The following ZFP64 variants were observed in gnomAD, a reference collection of about 807,000 sequenced individuals.
The protein encoded by ZFP64 is zinc finger protein 64.
Under a neutral mutation model 51.6 loss-of-function variants are expected in ZFP64, and 14 were observed. The ratio of observed to expected loss-of-function variants is 0.27; its 90% CI spans 0.18 to 0.42. ZFP64 has a LOEUF of 0.42. Among genes scored for constraint, ZFP64 ranks in the 10% least tolerant of loss-of-function variants. ZFP64 has a pLI of 1.00. For missense variants in ZFP64, 754 were observed against 906.8 expected (o/e 0.83, Z 2.16); for synonymous variants, 375 against 361.4 (o/e 1.04, Z -0.43).
At chr20:52,110,873 A>G in intron 5 of ZFP64, 2 of 1,610,148 alleles carry the variant, frequency 1.2e-6, no homozygotes, top group South Asian at 1.1e-5. Flanking sequence ...TCTGCCACCA[A>G]GAGATCATCG....
exon 9 of ZFP64, chr20:52,084,692 C>T (rs1327245760): frequency 5.6e-6 from 9 of 1,614,128 alleles, no homozygotes; most frequent in Non-Finnish European, 7.6e-6. Context: ...GATCACTGTG[C>T]TGCTTCTTGT....
chr20:52,103,143 C>T (rs987404405), intron 5 of ZFP64, among the ~76,000 whole-genome samples: 6 of 152,238 alleles, frequency 3.9e-5, no homozygotes, highest in African/African-American at 1.4e-4. Flanking sequence ...GGGGGTGGGC[C>T]GCATTTGACT....
At position 52,191,362 on chromosome 20, in the gene ZFP64, G is replaced by T. The variant is rs368868193; in HGVS notation, c.46+229C>A. On this transcript the variant is annotated intron_variant, in intron 1 of 5. Transcript: ENST00000216923. This position sits in a 1 kb window ranked among gnomAD's most constrained non-coding sequence, Gnocchi z 4.3. ...GTTCCCTTCCAAGGGGTCTCGCAAG[G>T]CTGGAGAGCGCCCCCGGTCTTGCGC... Among the ~76,000 whole-genome samples, 29 of 152,250 alleles carry T rather than the reference G, an allele frequency of 1.9e-4. 1 individual carries two copies. Among genetic ancestry groups the T allele is most frequent in the Admixed American group, 1.1e-3 (17 of 15,312 alleles).
At chr20:52,133,698 T>C (rs1299005024) in intron 5 of ZFP64, among the ~76,000 whole-genome samples, 3 of 152,148 alleles carry the variant, frequency 2.0e-5, no homozygotes, top group Non-Finnish European at 4.4e-5. Context: ...GGATTCCCCT[T>C]TGGTCCACTG....
chr20:52,108,238 A>AC, intron 5 of ZFP64, among the ~76,000 whole-genome samples: 1 of 152,044 alleles, frequency 6.6e-6, no homozygotes. Flanking sequence ...AAACAAACAA[A>AC]ACCCAAAATG....
chr20:52,177,667 C>T (rs1983329166), intron 2 of ZFP64, among the ~76,000 whole-genome samples: 1 of 151,692 alleles, frequency 6.6e-6, no homozygotes. Context: ...GCCGAACTGA[C>T]CTTGCCTGTT....
intron 4 of ZFP64, among the ~76,000 whole-genome samples, chr20:52,162,653 C>A (rs1392377027): frequency 6.6e-6 from 1 of 152,044 alleles, no homozygotes; most frequent in Non-Finnish European, 1.5e-5. Flanking sequence ...AACAAAAACA[C>A]AAACAAACAA....
At chr20:52,128,533 G>A (rs1370240209) in intron 5 of ZFP64, among the ~76,000 whole-genome samples, 2 of 152,212 alleles carry the variant, frequency 1.3e-5, no homozygotes, top group East Asian at 3.8e-4. Flanking sequence ...CACATTTACA[G>A]TATTAATAAA....
intron 2 of ZFP64, among the ~76,000 whole-genome samples, chr20:52,172,096 G>C (rs1048653521): frequency 1.3e-5 from 2 of 152,140 alleles, no homozygotes; most frequent in African/African-American, 4.8e-5. Flanking sequence ...CTCATCCCCA[G>C]GTGAGTGTAT....
chr20:52,136,242 C>T (rs78729916), intron 5 of ZFP64, among the ~76,000 whole-genome samples: 2,607 of 151,976 alleles, frequency 0.017, 25 homozygotes, highest in East Asian at 0.044. Context: ...CCTAAGAACG[C>T]GCAGAGAAAG....
At chr20:52,173,926 A>T (rs965452383) in intron 2 of ZFP64, among the ~76,000 whole-genome samples, 3 of 152,206 alleles carry the variant, frequency 2.0e-5, no homozygotes, top group African/African-American at 7.2e-5. Flanking sequence ...CTGGGATTAC[A>T]GATGTGAGCC....
At chr20:52,117,859 G>T (rs8116847) in intron 5 of ZFP64, among the ~76,000 whole-genome samples, 26,728 of 151,908 alleles carry the variant, frequency 0.18, 2,504 homozygotes, top group Non-Finnish European at 0.21. Flanking sequence ...ACAGTGATGC[G>T]ATCACAGCTC....
chr20:52,136,096 CAAAAAAAAAAAAAA>C (rs71192597), intron 5 of ZFP64, among the ~76,000 whole-genome samples: 6 of 38,034 alleles, frequency 1.6e-4, no homozygotes, highest in Non-Finnish European at 2.6e-4. Flanking sequence ...GAGACTCTCT[CAAAAAAAAAAAAAA>C]AAAAAAAAAA....
At chr20:52,133,637 A>G (rs1483560107) in intron 5 of ZFP64, among the ~76,000 whole-genome samples, 1 of 152,236 alleles carries the variant, frequency 6.6e-6, no homozygotes, top group Non-Finnish European at 1.5e-5. Flanking sequence ...TTAAATACCT[A>G]GGAATTAACC....
chr20:52,116,020 G>A (rs1326168234), intron 5 of ZFP64, among the ~76,000 whole-genome samples: 1 of 151,496 alleles, frequency 6.6e-6, no homozygotes, highest in African/African-American at 2.4e-5. Flanking sequence ...TTTTAGTAGA[G>A]ACAGGGTTTC....
chr20:52,164,144 TCTA>T (rs1396000519), intron 4 of ZFP64, among the ~76,000 whole-genome samples: 1 of 152,066 alleles, frequency 6.6e-6, no homozygotes, highest in Non-Finnish European at 1.5e-5. Context: ...GACCCCACTC[TCTA>T]CAAAAAATAC....
At chr20:52,092,639 T>C (rs550393515) in intron 7 of ZFP64, among the ~76,000 whole-genome samples, 1 of 152,278 alleles carries the variant, frequency 6.6e-6, no homozygotes, top group South Asian at 2.1e-4. Flanking sequence ...CCGCCTTGAC[T>C]TGAGGTCAGG....
rs955560026 is a variant in ZFP64, at chr20:52,117,623, G to GAAAAC, written c.764-19041_764-19037dup. On this transcript the variant is annotated intron_variant, in intron 5 of 8. Coordinates refer to the ZFP64 transcript ENST00000361387. Reference sequence around the variant, plus strand: ...GACAGAGCGAAACTCTGTCTCAAAAGAAAACAAAACAAAACACAAAAAAGA... The same window carrying GAAAAC: ...GACAGAGCGAAACTCTGTCTCAAAAGAAAACAAAACAAAACAAAACACAAAAAAGA... 13 of 456,074 alleles carry GAAAAC rather than the reference G, an allele frequency of 2.9e-5. No individual in the cohort carries two copies. In the East Asian group the frequency reaches 9.0e-4, roughly 32 times the overall value. 28.3% of individuals were successfully genotyped at this position (456,074 alleles called of 1,614,324 possible). A position where few individuals can be genotyped will look rare whatever the true frequency, so the allele number is the denominator to read the frequency against.
At chr20:52,119,087 A>C (rs62216894) in intron 5 of ZFP64, among the ~76,000 whole-genome samples, 26,716 of 151,986 alleles carry the variant, frequency 0.18, 2,507 homozygotes, top group Non-Finnish European at 0.21. Flanking sequence ...GGAGGCTGCA[A>C]TGAACTATGA....
Sources: allele counts gnomAD v4.1 joint callset (sites outside exome capture counted in the v4.1 genomes callset), GRCh38; gene constraint gnomAD v4.1.1; non-coding constraint Gnocchi (gnomAD v3.1); transcripts MANE v1.5; gene names NCBI Gene and HGNC (gene_info 2026-07-23, HGNC 2026-07-21).